Variants in OPCML observed in about 807,000 individuals in gnomAD.
OPCML encodes the protein opioid binding protein/cell adhesion molecule like.
OPCML carries 13 observed loss-of-function variants against 37.8 expected under a neutral mutation model. The ratio of observed to expected loss-of-function variants is 0.34; its 90% CI spans 0.22 to 0.55. OPCML has a LOEUF of 0.55. OPCML is among the 20% of genes least tolerant of loss of function. The probability of loss-of-function intolerance (pLI) is 0.91; values close to 1 mark genes in which losing one functional copy is unlikely to be tolerated. For synonymous variants in OPCML, 176 were observed against 168.8 expected, an observed-to-expected ratio of 1.04 and a Z score of -0.33; for missense variants, 341 against 435.6, an observed-to-expected ratio of 0.78 and a Z score of 1.93.
At chr11:132,936,153 G>T (rs1354129064) in intron 2 of OPCML, among the ~76,000 whole-genome samples, 1 of 152,164 alleles carries the variant, frequency 6.6e-6, no homozygotes, top group African/African-American at 2.4e-5. Flanking sequence ...TCTAAAGATG[G>T]GACAGCAGAC....
At chr11:132,764,312 C>A (rs565755283) in intron 2 of OPCML, among the ~76,000 whole-genome samples, 1 of 152,080 alleles carries the variant, frequency 6.6e-6, no homozygotes, top group Non-Finnish European at 1.5e-5. Context: ...TGCTGCTCAC[C>A]GCCCAACCCA....
At chr11:133,098,102 C>T (rs1163176965) in intron 1 of OPCML, among the ~76,000 whole-genome samples, 1 of 151,876 alleles carries the variant, frequency 6.6e-6, no homozygotes, top group Admixed American at 6.6e-5. Flanking sequence ...CTCATAAACA[C>T]AGAAGAAAAA....
intron 1 of OPCML, among the ~76,000 whole-genome samples, chr11:133,444,155 G>A (rs1342924648): frequency 6.6e-6 from 1 of 152,104 alleles, no homozygotes. Context: ...GCAGCGAGGA[G>A]TGGAAAAGCA....
chr11:132,894,473 C>T (rs1161640795), intron 2 of OPCML, among the ~76,000 whole-genome samples: 2 of 152,340 alleles, frequency 1.3e-5, no homozygotes, highest in Middle Eastern at 3.4e-3. Context: ...GCCCACACCA[C>T]TTAAGAGCCT....
chr11:132,673,491 T>C (rs1942567159), intron 2 of OPCML, among the ~76,000 whole-genome samples: 1 of 152,170 alleles, frequency 6.6e-6, no homozygotes. Flanking sequence ...TTTTCAATGC[T>C]GTCACTGATG....
Position 133,329,472 on chromosome 11 carries a change from T to G in OPCML, c.61+202792A>C, listed in dbSNP as rs188399735. Among the ~76,000 whole-genome samples, 26 of 152,134 alleles carry G rather than the reference T, an allele frequency of 1.7e-4. 1 individual carries two copies. The South Asian group carries it at 1.9e-3, about 11-fold the overall frequency. On this transcript the variant is annotated intron_variant, in intron 1 of 7. Transcript: ENST00000524381. Reference sequence around the variant, plus strand: ...CAGTAACCAAAACAGCATGGTACTGTTACCAAAACAGAGATATAGACCAAT... The same window carrying G: ...CAGTAACCAAAACAGCATGGTACTGGTACCAAAACAGAGATATAGACCAAT...
At chr11:132,900,467 G>A (rs577717635) in intron 2 of OPCML, among the ~76,000 whole-genome samples, 1 of 152,198 alleles carries the variant, frequency 6.6e-6, no homozygotes, top group African/African-American at 2.4e-5. Flanking sequence ...GGTGCACTCA[G>A]GCCCACTGAT....
rs143977437 is a variant in OPCML at position 132,635,616 on chromosome 11, T to A, written c.379+21471A>T. 7.9e-3 allele frequency among the ~76,000 whole-genome samples: 1,190 copies of A among 150,696 alleles called. 14 individuals carry two copies. The highest frequency in any genetic ancestry group is 0.026 in the African/African-American group (1,056 of 41,088). On this transcript the variant is annotated intron_variant, in intron 3 of 7. Transcript: ENST00000524381. Reference sequence around the variant, plus strand: ...CCAAAAAAAAATTTGTTGACCAAACTCTAGCTGACAGACATACTTAATCTA... The same window carrying A: ...CCAAAAAAAAATTTGTTGACCAAACACTAGCTGACAGACATACTTAATCTA...
chr11:132,755,201 C>T (rs562989412), intron 2 of OPCML, among the ~76,000 whole-genome samples: 6 of 152,206 alleles, frequency 3.9e-5, no homozygotes, highest in South Asian at 2.1e-4. Context: ...TGAGCAATTG[C>T]TAATATTTTG....
chr11:132,708,499 A>G lies in OPCML; in HGVS notation c.147-51180T>C, dbSNP rs1035254022. 2.6e-5 allele frequency among the ~76,000 whole-genome samples: 4 copies of G among 152,338 alleles called. No individual in the cohort carries two copies. In the East Asian group the frequency reaches 7.7e-4, roughly 29 times the overall value. On this transcript the variant is annotated intron_variant, in intron 2 of 7. Transcript: ENST00000524381. ...TTGGGATGGAAGAACAATCCTTATT[A>G]TTACTTTATACTCAGCTATAATCAA...
intron 2 of OPCML, among the ~76,000 whole-genome samples, chr11:132,724,667 C>G (rs1214005338): frequency 6.6e-6 from 1 of 152,200 alleles, no homozygotes; most frequent in Non-Finnish European, 1.5e-5. Flanking sequence ...AAAGTCTCAT[C>G]TGAGACAATG....
intron 3 of OPCML, among the ~76,000 whole-genome samples, chr11:132,599,584 A>T (rs1349327799): frequency 6.6e-6 from 1 of 152,142 alleles, no homozygotes; most frequent in Non-Finnish European, 1.5e-5. Context: ...TCATTTTCTG[A>T]CAGGCTTTGG....
chr11:132,504,885 G>A (rs1297546968), intron 4 of OPCML, among the ~76,000 whole-genome samples: 2 of 152,028 alleles, frequency 1.3e-5, no homozygotes, highest in Non-Finnish European at 2.9e-5. Context: ...AGGTCCCCCT[G>A]GAGTCTACCC....
In OPCML at chr11:132,687,643, A is replaced by G. The variant is rs557931089; in HGVS notation, c.147-30324T>C. On this transcript the variant is annotated intron_variant, in intron 2 of 7. Transcript: ENST00000524381. ...ACTTGTATTTAAATGAGCTTCTTCC[A>G]TCTTAATTTCACCATCTGAGGTCAT... Among the ~76,000 whole-genome samples the G allele has an allele frequency of 1.0e-3, 155 of 151,864 alleles. 1 individual carries two copies. Among genetic ancestry groups the G allele is most frequent in the African/African-American group, 3.6e-3 (150 of 41,472 alleles).
At chr11:133,280,951 ACGTTCTTGGG>A (rs967425696) in intron 1 of OPCML, among the ~76,000 whole-genome samples, 1 of 152,284 alleles carries the variant, frequency 6.6e-6, no homozygotes, top group Admixed American at 6.5e-5. Flanking sequence ...CATTGTCCTA[ACGTTCTTGGG>A]CAATGTTCTC....
intron 1 of OPCML, among the ~76,000 whole-genome samples, chr11:133,270,622 C>G (rs139122862): frequency 6.6e-6 from 1 of 152,184 alleles, no homozygotes; most frequent in South Asian, 2.1e-4. Context: ...TGGAGGTACA[C>G]TGGCTGACAG....
At chr11:132,959,675 C>T (rs896830076) in intron 1 of OPCML, among the ~76,000 whole-genome samples, 1 of 128,856 alleles carries the variant, frequency 7.8e-6, no homozygotes, top group Admixed American at 7.8e-5. Flanking sequence ...ACATTGACTT[C>T]GGGAAAATAT....
intron 1 of OPCML, among the ~76,000 whole-genome samples, chr11:133,466,176 AC>A (rs1946973998): frequency 6.6e-6 from 1 of 151,862 alleles, no homozygotes; most frequent in South Asian, 2.1e-4. Context: ...TGTAATGTAC[AC>A]TTTTTGATGT....
chr11:133,291,107 C>A (rs186161540), intron 1 of OPCML, among the ~76,000 whole-genome samples: 14 of 152,234 alleles, frequency 9.2e-5, no homozygotes, highest in Non-Finnish European at 2.1e-4. Context: ...TCGTGCCACG[C>A]ACAGCTCAAT....
Sources: gnomAD v4.1 joint callset for allele counts (sites outside exome capture counted in the v4.1 genomes callset) on GRCh38, gnomAD v4.1.1 for gene constraint, MANE v1.5 for transcripts, NCBI Gene and HGNC (gene_info 2026-07-23, HGNC 2026-07-21) for gene names.